Variants in HACE1 observed in about 807,000 individuals in gnomAD.
HACE1 encodes the protein E3 ubiquitin-protein ligase HACE1.
In HACE1, 73 loss-of-function variants were observed where a neutral mutation model predicts 118.4. The ratio of observed to expected loss-of-function variants is 0.62; its 90% CI spans 0.51 to 0.75. The LOEUF (loss-of-function observed/expected upper bound fraction) is 0.75, where lower values mean the gene tolerates loss of function less well. HACE1 is among the 30% of genes least tolerant of loss of function. The pLI, the probability that HACE1 is intolerant of heterozygous loss-of-function variation, is 0.00. For synonymous variants in HACE1, 368 were observed against 374.8 expected (o/e 0.98, Z 0.21); for missense variants, 749 against 1,102.2 (o/e 0.68, Z 4.54).
chr6:104,736,666 T>A (rs771568425), intron 22 of HACE1, among the ~76,000 whole-genome samples: 5 of 152,292 alleles, frequency 3.3e-5, no homozygotes, highest in Non-Finnish European at 7.3e-5. Context: ...ATTCCTCGTT[T>A]TAGTTATCTC....
chr6:104,840,556 C>A (rs551001331), intron 5 of HACE1, among the ~76,000 whole-genome samples: 1 of 152,004 alleles, frequency 6.6e-6, no homozygotes, highest in Non-Finnish European at 1.5e-5. Flanking sequence ...AGGCCCGTCG[C>A]GGTGGCTCAC....
intron 9 of HACE1, among the ~76,000 whole-genome samples, chr6:104,796,130 G>T (rs1769594037): frequency 6.6e-6 from 1 of 151,932 alleles, no homozygotes; most frequent in Admixed American, 6.6e-5. Context: ...TAAAGATAGA[G>T]CATCACTGTA....
chr6:104,793,859 T>C (rs980970677), intron 10 of HACE1, among the ~76,000 whole-genome samples: 8 of 152,194 alleles, frequency 5.3e-5, no homozygotes, highest in Admixed American at 6.5e-5. Context: ...CAATGAGATA[T>C]TTACAGGCCA....
intron 22 of HACE1, among the ~76,000 whole-genome samples, chr6:104,737,095 C>T (rs1484212688): frequency 6.6e-6 from 1 of 150,400 alleles, no homozygotes; most frequent in Non-Finnish European, 1.5e-5. Flanking sequence ...ACCAGCTTGG[C>T]CACGATGGTG....
chr6:104,831,965 GAAGAGAAGAGAAGAGAGGAAGGAAGGA>G (rs1379843862), intron 6 of HACE1, among the ~76,000 whole-genome samples: 656 of 85,658 alleles, frequency 7.7e-3, no homozygotes, highest in African/African-American at 0.019. Context: ...GAAGAGAAGA[GAAGAGAAGAGAAGAGAGGAAGGAAGGA>G]AGGAAGGAAG....
At chr6:104,781,156 C>G (rs143306286) in intron 14 of HACE1, among the ~76,000 whole-genome samples, 1 of 152,134 alleles carries the variant, frequency 6.6e-6, no homozygotes, top group African/African-American at 2.4e-5. Flanking sequence ...ACTGTGTAAT[C>G]ATCCTACCCT....
chr6:104,730,339 G>T lies in HACE1; in HGVS notation c.2591C>A (p.Pro864Gln). 1 of 1,589,518 alleles carries T rather than the reference G, an allele frequency of 6.3e-7. No homozygotes were observed. Among genetic ancestry groups the T allele is most frequent in the Non-Finnish European group, 8.6e-7 (1 of 1,157,530 alleles). ...AGTTGGTAAAAGATTTGGAGTATATGGCACAGCAGCGATTGTAAAGTTTTG... is the reference window on the plus strand; with the variant it reads ...AGTTGGTAAAAGATTTGGAGTATATTGCACAGCAGCGATTGTAAAGTTTTG... ...GLQNFTIAAV[P>Q]YTPNLLPTSS... Residue 864 changes from proline (P) to glutamine (Q), a missense_variant, in exon 23 of 24, where the codon CCA becomes CAA. Pro to Gln is a moderately conservative substitution (Grantham distance 76). This residue lies in a region of HACE1 where 165 missense variants were observed against 229.9 expected (regional missense o/e 0.72). Transcript: ENST00000262903.
At position 104,835,053 on chromosome 6, in the gene HACE1, T is replaced by C. The variant is rs538251095; in HGVS notation, c.403-1880A>G. On this transcript the variant is annotated intron_variant, in intron 5 of 23. Transcript: ENST00000262903. ...ATTGATTTTACAAAGCATTCTTCTC[T>C]ATCCAGCACGCAGACTGTTAACATC... Among the ~76,000 whole-genome samples, 3 of 152,368 alleles carry C rather than the reference T, an allele frequency of 2.0e-5. No individual in the cohort carries two copies. In the East Asian group the frequency reaches 5.8e-4, roughly 29 times the overall value.
Position 104,805,816 on chromosome 6 carries a change from G to A in HACE1, c.617+5495C>T, listed in dbSNP as rs143541179. On this transcript the variant is annotated intron_variant, in intron 7 of 23. Transcript: ENST00000262903. Reference sequence around the variant, plus strand: ...ACATGTATACCTATGTAACAAACCCGCACGTTGTGCACATGTACCCTGGAA... The same window carrying A: ...ACATGTATACCTATGTAACAAACCCACACGTTGTGCACATGTACCCTGGAA... Among the ~76,000 whole-genome samples the A allele has an allele frequency of 3.6e-4, 54 of 151,982 alleles. 1 individual carries two copies. Among genetic ancestry groups the A allele is most frequent in the African/African-American group, 1.3e-3 (53 of 41,446 alleles).
chr6:104,837,479 T>G (rs1485144069), intron 5 of HACE1, among the ~76,000 whole-genome samples: 1 of 152,162 alleles, frequency 6.6e-6, no homozygotes, highest in Non-Finnish European at 1.5e-5. Flanking sequence ...TCATAACTTA[T>G]GCAAACAGTA....
intron 7 of HACE1, among the ~76,000 whole-genome samples, chr6:104,804,442 T>C (rs928397294): frequency 2.6e-5 from 4 of 152,162 alleles, no homozygotes; most frequent in Admixed American, 2.0e-4. Flanking sequence ...GCTGGCAGCA[T>C]CATGCTACCT....
Position 104,785,320 on chromosome 6 carries a change from C to G in HACE1, c.1075-1G>C. 1 of 1,561,936 alleles carries G rather than the reference C, an allele frequency of 6.4e-7. No homozygotes were observed. The highest frequency in any genetic ancestry group is 8.8e-7 in the Non-Finnish European group (1 of 1,134,860). On this transcript the variant is annotated splice_acceptor_variant, in intron 11 of 23. Transcript: ENST00000262903. LOFTEE classifies it high-confidence loss of function. ...ACGAGTGCCAAAGCAATTCCAGAGG[C>G]TGAGAGAAACAAAAGTGTTTTTTAA...
intron 1 of HACE1, among the ~76,000 whole-genome samples, chr6:104,855,320 G>C (rs1776611367): frequency 6.6e-6 from 1 of 152,100 alleles, no homozygotes; most frequent in African/African-American, 2.4e-5. Context: ...GCAGGCACCT[G>C]TAGTTCCAGC....
chr6:104,751,559 G>T (rs376887105), intron 19 of HACE1, among the ~76,000 whole-genome samples: 87 of 152,232 alleles, frequency 5.7e-4, no homozygotes, highest in Admixed American at 9.2e-4. Flanking sequence ...GAGCCCAGGA[G>T]TTCGAGTCTG....
At chr6:104,852,194 A>ACT (rs1776271637) in intron 2 of HACE1, 123 bp downstream of exon 2, 13 of 429,080 alleles carry the variant, frequency 3.0e-5, no homozygotes, top group Admixed American at 8.2e-5. Flanking sequence ...CTATGTCCAA[A>ACT]CTGTCTGTGT....
chr6:104,753,144 T>A (rs925365475), intron 19 of HACE1, among the ~76,000 whole-genome samples: 8 of 152,216 alleles, frequency 5.3e-5, no homozygotes, highest in Non-Finnish European at 1.2e-4. Flanking sequence ...AATTTTACTA[T>A]GAACACCCAC....
Position 104,785,114 on chromosome 6 carries a change from T to G in HACE1, c.1280A>C (p.Lys427Thr). Residue 427 changes from lysine to threonine, a missense_variant, in exon 12 of 24, where the codon AAA becomes ACA. Around this residue, in one of 5 missense-constraint regions of HACE1, gnomAD observed 267 missense variants for 312.2 expected, o/e 0.86. Transcript: ENST00000262903. The stretch of plus-strand genomic sequence containing the variant: ...CTGTCTCCCTGCAAGAGCATCTGGT[T>G]TAGATTCCCTTGTGCCAGTGGACAG... Reference protein sequence around the residue: ...ENLSTGTRESKPDALAGRQEA... With the variant: ...ENLSTGTRESTPDALAGRQEA... The G allele has an allele frequency of 6.2e-7, 1 of 1,613,856 alleles. No individual in the cohort carries two copies.
intron 22 of HACE1, among the ~76,000 whole-genome samples, chr6:104,738,465 G>A (rs1378297773): frequency 1.3e-5 from 2 of 149,162 alleles, no homozygotes; most frequent in Non-Finnish European, 3.0e-5. Flanking sequence ...ATACAGAGAA[G>A]TGCTTAAAGG....
intron 10 of HACE1, among the ~76,000 whole-genome samples, chr6:104,794,669 C>T (rs752417348): frequency 2.6e-5 from 4 of 152,154 alleles, no homozygotes; most frequent in Non-Finnish European, 5.9e-5. Flanking sequence ...TTTGGGAGGC[C>T]GAGATGAGCG....
Sources: allele counts gnomAD v4.1 joint callset (sites outside exome capture counted in the v4.1 genomes callset), GRCh38; gene constraint gnomAD v4.1.1; regional missense constraint gnomAD v4.1.1; transcripts MANE v1.5; gene names NCBI Gene and HGNC (gene_info 2026-07-23, HGNC 2026-07-21).